The following AKAP13 variants were observed in gnomAD, a reference collection of about 807,000 sequenced individuals.
AKAP13 encodes A-kinase anchoring protein 13.
A neutral mutation model predicts 264.5 loss-of-function variants in AKAP13; 80 were observed. The ratio of observed to expected loss-of-function variants is 0.30; its 90% CI spans 0.25 to 0.36. The LOEUF (loss-of-function observed/expected upper bound fraction) is 0.36, where lower values mean the gene tolerates loss of function less well. AKAP13 is among the 10% of genes least tolerant of loss of function. The probability of loss-of-function intolerance (pLI) is 1.00; values close to 1 mark genes in which losing one functional copy is unlikely to be tolerated. For missense variants in AKAP13, 3,712 were observed against 3,435.2 expected (o/e 1.08, Z -2.01); for synonymous variants, 1,380 against 1,250.2 (o/e 1.10, Z -2.19).
chr15:85,403,071 T>C (rs1476793036), intron 1 of AKAP13, among the ~76,000 whole-genome samples: 1 of 152,190 alleles, frequency 6.6e-6, no homozygotes, highest in Non-Finnish European at 1.5e-5. Context: ...TTATATTGTA[T>C]ATACCATTCC....
At chr15:85,680,689 T>G (rs2084542637) in intron 14 of AKAP13, among the ~76,000 whole-genome samples, 1 of 152,026 alleles carries the variant, frequency 6.6e-6, no homozygotes, top group Non-Finnish European at 1.5e-5. Flanking sequence ...ACATGGCGAG[T>G]CCCTGTTTCT....
intron 13 of AKAP13, among the ~76,000 whole-genome samples, chr15:85,669,367 T>C (rs546505539): frequency 5.3e-5 from 8 of 152,376 alleles, no homozygotes; most frequent in Non-Finnish European, 1.2e-4. Flanking sequence ...AGTGAAATTA[T>C]TTTTAAGTGA....
intron 1 of AKAP13, among the ~76,000 whole-genome samples, chr15:85,444,398 T>C (rs2073827808): frequency 6.6e-6 from 1 of 152,156 alleles, no homozygotes; most frequent in Admixed American, 6.5e-5. Flanking sequence ...TAAAAGGTAG[T>C]TGAGGAGGTG....
intron 2 of AKAP13, among the ~76,000 whole-genome samples, chr15:85,497,603 A>G (rs973015067): frequency 5.9e-5 from 9 of 152,210 alleles, no homozygotes; most frequent in African/African-American, 2.4e-5. Context: ...GAGATTATAT[A>G]TAGCTGCTCT....
chr15:85,576,484 T>G (rs539384791), intron 6 of AKAP13, among the ~76,000 whole-genome samples: 1 of 152,318 alleles, frequency 6.6e-6, no homozygotes, highest in East Asian at 1.9e-4. Flanking sequence ...TTAGCATTTA[T>G]TACGAATAAC....
rs1475910177 is a variant in AKAP13 at position 85,514,184 on chromosome 15, A to C, written c.34-7244A>C. On this transcript the variant is annotated intron_variant, in intron 2 of 36. Coordinates refer to ENST00000394518, the MANE Select transcript of AKAP13 (RefSeq NM_007200.5). ...ATGTTTGCGCAGTGATAATTTTACT[A>C]TTCCAGCAATCTCCCCTCTTTAAGC... Among the ~76,000 whole-genome samples, 3 of 137,208 alleles carry C rather than the reference A, an allele frequency of 2.2e-5. 1 individual carries two copies. Among genetic ancestry groups the C allele is most frequent in the Non-Finnish European group, 4.7e-5 (3 of 64,382 alleles). 90.0% of individuals were successfully genotyped at this position (137,208 alleles called of 152,430 possible).
intron 17 of AKAP13, among the ~76,000 whole-genome samples, chr15:85,697,555 C>T (rs1247714948): frequency 2.0e-5 from 3 of 151,894 alleles, no homozygotes; most frequent in Non-Finnish European, 4.4e-5. Flanking sequence ...GGTGACATAG[C>T]GAGACTCCAT....
intron 1 of AKAP13, among the ~76,000 whole-genome samples, chr15:85,390,215 G>A (rs552167609): frequency 6.6e-6 from 1 of 152,190 alleles, no homozygotes; most frequent in Non-Finnish European, 1.5e-5. Flanking sequence ...ATTGAGGGAA[G>A]TAGAAAATAA....
intron 3 of AKAP13, among the ~76,000 whole-genome samples, chr15:85,530,833 G>C (rs1187209105): frequency 6.6e-6 from 1 of 152,070 alleles, no homozygotes; most frequent in South Asian, 2.1e-4. Flanking sequence ...GGCTATATAT[G>C]GTGTTTTGGG....
At position 85,736,063 on chromosome 15, in the gene AKAP13, T is replaced by C. The variant is rs372745641; in HGVS notation, c.7513-27T>C. The C allele has an allele frequency of 3.2e-6, 5 of 1,544,760 alleles. No individual in the cohort carries two copies. The African/African-American group carries it at 5.5e-5, about 17-fold the overall frequency. On this transcript the variant is annotated intron_variant, in intron 32 of 36. Transcript: ENST00000394518. ...ATTTTTGCATCAAGATCTTCATTTT[T>C]TTATATGTATGTTTTTTGTTTTATA...
At chr15:85,574,799 A>C (rs1467276215) in intron 5 of AKAP13, among the ~76,000 whole-genome samples, 1 of 152,228 alleles carries the variant, frequency 6.6e-6, no homozygotes, top group East Asian at 1.9e-4. Flanking sequence ...GTTGAAAATC[A>C]GGCTAAAACC....
intron 8 of AKAP13, among the ~76,000 whole-genome samples, chr15:85,631,915 G>A (rs988863326): frequency 6.6e-6 from 1 of 152,022 alleles, no homozygotes; most frequent in Non-Finnish European, 1.5e-5. Context: ...GAAACTACAG[G>A]AAAGTTAAAA....
chr15:85,655,795 G>T lies in AKAP13; in HGVS notation c.4745+8G>T. On this transcript the variant is annotated splice_region_variant and intron_variant, in intron 11 of 36. Transcript: ENST00000394518. ...AGAAATGAACCACCGGAGGTGAGAT[G>T]GGAGGCGGTTTGTTTAGTGTCTCAG... is the stretch of plus-strand genomic sequence containing the variant. 2.5e-6 allele frequency: 4 copies of T among 1,599,534 alleles called. No individual in the cohort carries two copies. The highest frequency in any genetic ancestry group is 1.1e-5 in the South Asian group (1 of 90,434).
chr15:85,659,786 A>G (rs2083256722), intron 12 of AKAP13, among the ~76,000 whole-genome samples: 1 of 152,186 alleles, frequency 6.6e-6, no homozygotes, highest in Non-Finnish European at 1.5e-5. Flanking sequence ...TTATTTTTGT[A>G]GGAAGAACGT....
chr15:85,546,288 C>A (rs2151219685), intron 5 of AKAP13, among the ~76,000 whole-genome samples: 1 of 148,822 alleles, frequency 6.7e-6, no homozygotes, highest in East Asian at 2.0e-4. Flanking sequence ...CACACTGTAC[C>A]CCATAAATAA....
chr15:85,537,250 C>A lies in AKAP13; in HGVS notation c.478+3370C>A, dbSNP rs149258418. On this transcript the variant is annotated intron_variant, in intron 4 of 36. Coordinates refer to ENST00000394518, the MANE Select transcript of AKAP13 (RefSeq NM_007200.5). ...ATGTAATGGAATAGTCTGTTCACAT[C>A]AATGAGTTGCACATAAATACTTTTA... is the stretch of plus-strand genomic sequence containing the variant. Among the ~76,000 whole-genome samples the A allele has an allele frequency of 5.4e-3, 536 of 99,658 alleles. 10 individuals carry two copies. Among genetic ancestry groups the A allele is most frequent in the Non-Finnish European group, 9.9e-4 (48 of 48,520 alleles). 65.4% of individuals were successfully genotyped at this position (99,658 alleles called of 152,430 possible).
intron 27 of AKAP13, 69 bp downstream of exon 27, chr15:85,726,555 T>A: frequency 3.0e-6 from 4 of 1,320,278 alleles, no homozygotes; most frequent in Admixed American, 1.8e-5. Context: ...GTAAGCACTA[T>A]GTTATTGCTC....
At chr15:85,732,878 G>A (rs1289739708) in intron 30 of AKAP13, among the ~76,000 whole-genome samples, 1 of 151,456 alleles carries the variant, frequency 6.6e-6, no homozygotes, top group African/African-American at 2.4e-5. Context: ...ACACTATTTT[G>A]ATAATAATAT....
At chr15:85,605,045 C>A (rs1483997078) in intron 8 of AKAP13, among the ~76,000 whole-genome samples, 1 of 152,128 alleles carries the variant, frequency 6.6e-6, no homozygotes, top group Non-Finnish European at 1.5e-5. Context: ...ATGGGTGCCC[C>A]TGGTAATAAT....
Sources: allele counts gnomAD v4.1 joint callset (sites outside exome capture counted in the v4.1 genomes callset), GRCh38; gene constraint gnomAD v4.1.1; transcripts MANE v1.5; gene names NCBI Gene and HGNC (gene_info 2026-07-23, HGNC 2026-07-21).